The following ACER3 variants were observed in gnomAD, a reference collection of about 807,000 sequenced individuals.
ACER3 encodes the protein alkaline ceramidase 3.
In ACER3, 16 loss-of-function variants were observed where a neutral mutation model predicts 48.9. The ratio of observed to expected loss-of-function variants is 0.33; its 90% CI spans 0.22 to 0.50. The LOEUF is 0.50. ACER3 is among the 20% of genes least tolerant of loss of function. ACER3 has a pLI of 0.98. For synonymous variants in ACER3, 109 were observed against 107.8 expected (o/e 1.01, Z -0.07); for missense variants, 227 against 326.0 (o/e 0.70, Z 2.34).
intron 2 of ACER3, among the ~76,000 whole-genome samples, chr11:76,932,001 T>G (rs1384420851): frequency 2.0e-5 from 3 of 146,456 alleles, no homozygotes; most frequent in Admixed American, 1.4e-4. Context: ...CAGGCTGGAG[T>G]GTAGTGGTAC....
chr11:76,875,896 C>T (rs1041128852), intron 1 of ACER3, among the ~76,000 whole-genome samples: 4 of 151,810 alleles, frequency 2.6e-5, no homozygotes, highest in Admixed American at 1.3e-4. Context: ...CCACCACACC[C>T]GGCTAATTTT....
chr11:76,908,525 G>C (rs1946291641), intron 1 of ACER3, among the ~76,000 whole-genome samples: 1 of 151,992 alleles, frequency 6.6e-6, no homozygotes, highest in Non-Finnish European at 1.5e-5. Flanking sequence ...AAATACCTAG[G>C]AATATAACTT....
chr11:76,964,272 G>A (rs113229813), intron 3 of ACER3, among the ~76,000 whole-genome samples: 17,264 of 151,260 alleles, frequency 0.11, 3,926 homozygotes, highest in African/African-American at 0.4. Context: ...GGGGAGGGGC[G>A]CCTGCCATTG....
Position 76,917,872 on chromosome 11 carries a change from A to AAAG in ACER3, c.104-8683_104-8682insGAA, listed in dbSNP as rs1555000054. On this transcript the variant is annotated intron_variant, in intron 1 of 10. Coordinates refer to ENST00000532485, the MANE Select transcript of ACER3 (RefSeq NM_018367.7). ...GAGACCCTGTCTCAAAAAAAAAAAA[A>AAAG]AAAGAAAGAAAAGAAAAGAAAATAG... Among the ~76,000 whole-genome samples, 24 of 149,894 alleles carry AAAG rather than the reference A, an allele frequency of 1.6e-4. 1 individual carries two copies. Among genetic ancestry groups the AAAG allele is most frequent in the African/African-American group, 5.7e-4 (23 of 40,628 alleles).
intron 1 of ACER3, among the ~76,000 whole-genome samples, chr11:76,912,739 C>G (rs910606872): frequency 6.6e-6 from 1 of 151,968 alleles, no homozygotes; most frequent in Non-Finnish European, 1.5e-5. Context: ...GTTTGAAAAA[C>G]TTTTTTTGCA....
At chr11:76,890,366 A>C (rs1473647702) in intron 1 of ACER3, among the ~76,000 whole-genome samples, 1 of 152,216 alleles carries the variant, frequency 6.6e-6, no homozygotes, top group African/African-American at 2.4e-5. Flanking sequence ...CGCAGAGTCT[A>C]ATATAGATTA....
intron 1 of ACER3, among the ~76,000 whole-genome samples, chr11:76,870,813 A>C (rs1945223270): frequency 6.6e-6 from 1 of 152,228 alleles, no homozygotes; most frequent in Non-Finnish European, 1.5e-5. Context: ...GCCACTAATT[A>C]GTTTAATGCA....
intron 7 of ACER3, 116 bp downstream of exon 7, chr11:76,998,937 G>A (rs1948971987): frequency 1.4e-6 from 1 of 713,270 alleles, no homozygotes; most frequent in Admixed American, 4.1e-5. Context: ...GATGTTGGAA[G>A]AAAACTATAA....
At chr11:76,889,094 T>C (rs1274088033) in intron 1 of ACER3, among the ~76,000 whole-genome samples, 2 of 152,222 alleles carry the variant, frequency 1.3e-5, no homozygotes, top group African/African-American at 4.8e-5. Context: ...ATCTCAGCTC[T>C]ATATAGATGA....
intron 7 of ACER3, among the ~76,000 whole-genome samples, chr11:77,007,958 G>T (rs1032573454): frequency 5.3e-5 from 8 of 152,122 alleles, no homozygotes; most frequent in African/African-American, 1.9e-4. Flanking sequence ...AAAAATAAGT[G>T]ATGGGTATGT....
In ACER3 at chr11:76,920,887, C is replaced by A. The variant is rs138361911; in HGVS notation, c.104-5670C>A. 2.0e-5 allele frequency among the ~76,000 whole-genome samples: 3 copies of A among 152,156 alleles called. No homozygotes were observed. The South Asian group carries it at 6.2e-4, about 32-fold the overall frequency. On this transcript the variant is annotated intron_variant, in intron 1 of 10. Coordinates refer to ENST00000532485, the MANE Select transcript of ACER3 (RefSeq NM_018367.7). ...CTCCTGGGCTCAAGCAATCCTCCCC[C>A]CTTGGCTTTCCAAAGTGCTGGGATT...
intron 5 of ACER3, among the ~76,000 whole-genome samples, chr11:76,989,571 C>A (rs1241883037): frequency 6.6e-6 from 1 of 152,046 alleles, no homozygotes. Context: ...AGGAGGATTT[C>A]TGAACAAAGT....
At chr11:76,949,256 C>T (rs1191856220) in intron 2 of ACER3, among the ~76,000 whole-genome samples, 8 of 152,166 alleles carry the variant, frequency 5.3e-5, no homozygotes, top group Admixed American at 5.2e-4. Flanking sequence ...AGATGGTACC[C>T]TGACCTCCTT....
At chr11:76,928,685 C>A (rs1946904399) in intron 2 of ACER3, among the ~76,000 whole-genome samples, 1 of 152,158 alleles carries the variant, frequency 6.6e-6, no homozygotes, top group South Asian at 2.1e-4. Context: ...ATATGGCTAG[C>A]CAGTTTCCCC....
chr11:76,935,115 G>A (rs1360659956), intron 2 of ACER3, among the ~76,000 whole-genome samples: 1 of 152,142 alleles, frequency 6.6e-6, no homozygotes, highest in African/African-American at 2.4e-5. Flanking sequence ...AAATTACAGT[G>A]TGCTTGAGGG....
intron 9 of ACER3, among the ~76,000 whole-genome samples, chr11:77,018,417 A>T (rs1949412519): frequency 6.6e-6 from 1 of 152,226 alleles, no homozygotes. Context: ...GCAAAATTAA[A>T]AATAGGCCAA....
intron 1 of ACER3, among the ~76,000 whole-genome samples, chr11:76,913,353 C>A (rs1946433779): frequency 6.6e-6 from 1 of 152,082 alleles, no homozygotes; most frequent in African/African-American, 2.4e-5. Flanking sequence ...TAATTGAATA[C>A]CCTTTATTTC....
intron 1 of ACER3, among the ~76,000 whole-genome samples, chr11:76,905,737 A>G (rs1472154415): frequency 6.6e-6 from 1 of 152,232 alleles, no homozygotes; most frequent in East Asian, 1.9e-4. Flanking sequence ...ATAGCATACT[A>G]TACAGAAATT....
chr11:76,975,478 CTTTACTTAGATTAATAAAA>C (rs1948417493), intron 3 of ACER3, among the ~76,000 whole-genome samples: 1 of 152,090 alleles, frequency 6.6e-6, no homozygotes, highest in South Asian at 2.1e-4. Context: ...CAGAGGTATA[CTTTACTTAGATTAATAAAA>C]TTATTTCCCT....
Sources: allele counts gnomAD v4.1 joint callset (sites outside exome capture counted in the v4.1 genomes callset), GRCh38; gene constraint gnomAD v4.1.1; transcripts MANE v1.5; gene names NCBI Gene and HGNC (gene_info 2026-07-23, HGNC 2026-07-21).